Variants in EMSY observed in about 807,000 individuals in gnomAD.
EMSY encodes BRCA2-interacting transcriptional repressor EMSY.
EMSY carries 26 observed loss-of-function variants against 134.6 expected under a neutral mutation model. That is an observed-to-expected ratio of 0.19 (90% confidence interval 0.14 to 0.27). The LOEUF (loss-of-function observed/expected upper bound fraction) is 0.27, where lower values mean the gene tolerates loss of function less well. EMSY is among the 10% of genes least tolerant of loss of function. The pLI is 1.00. For synonymous variants in EMSY, 579 were observed against 577.8 expected, an observed-to-expected ratio of 1.00 and a Z score of -0.03; for missense variants, 1,305 against 1,611.4, an observed-to-expected ratio of 0.81 and a Z score of 3.26.
At position 76,519,215 on chromosome 11, in the gene EMSY, C is replaced by G. The variant is rs181907721; in HGVS notation, c.1684+2903C>G. 3.9e-5 allele frequency among the ~76,000 whole-genome samples: 6 copies of G among 152,026 alleles called. No individual in the cohort carries two copies. The East Asian group carries it at 1.2e-3, about 29-fold the overall frequency. Reference sequence around the variant, plus strand: ...GAGTAGCTGGGATTACAGGCGCCTGCCACCACGCTCGGCTAATTTTTGTAT... The same window carrying G: ...GAGTAGCTGGGATTACAGGCGCCTGGCACCACGCTCGGCTAATTTTTGTAT... On this transcript the variant is annotated intron_variant, in intron 11 of 20. Coordinates refer to ENST00000334736, the Ensembl canonical transcript of EMSY.
downstream of EMSY, chr11:76,552,953 G>T (rs755454134): frequency 3.3e-5 from 5 of 152,172 alleles, no homozygotes; most frequent in Admixed American, 6.5e-5. Context: ...GTTCATCCGT[G>T]TTGTAGAATG....
chr11:76,504,030 C>T (rs1169612234), intron 9 of EMSY, among the ~76,000 whole-genome samples: 1 of 151,774 alleles, frequency 6.6e-6, no homozygotes, highest in East Asian at 1.9e-4. Flanking sequence ...AAGTGATCCA[C>T]CTACCTTGGC....
At chr11:76,474,857 G>A (rs1365006837) in intron 8 of EMSY, among the ~76,000 whole-genome samples, 4 of 152,200 alleles carry the variant, frequency 2.6e-5, no homozygotes, top group Admixed American at 2.0e-4. Context: ...TCCGCCTCCC[G>A]GGTTCAAGCA....
chr11:76,469,956 T>C (rs1317826594), intron 7 of EMSY, among the ~76,000 whole-genome samples: 2 of 152,242 alleles, frequency 1.3e-5, no homozygotes, highest in East Asian at 1.9e-4. Context: ...TGATCTTATG[T>C]ATCTTTCTTG....
intron 13 of EMSY, 139 bp downstream of exon 14, chr11:76,526,774 T>A: frequency 1.2e-6 from 1 of 819,958 alleles, no homozygotes; most frequent in Non-Finnish European, 1.9e-6. Context: ...ATGTGTTAAT[T>A]ATTCAAGTAT....
At chr11:76,502,246 T>G (rs933535862) in intron 9 of EMSY, among the ~76,000 whole-genome samples, 2 of 124,268 alleles carry the variant, frequency 1.6e-5, no homozygotes, top group African/African-American at 3.2e-5. Context: ...TTGACACTTA[T>G]ATTCCATATT....
intron 18 of EMSY, among the ~76,000 whole-genome samples, chr11:76,542,597 G>A (rs543301180): frequency 1.3e-5 from 2 of 152,274 alleles, no homozygotes; most frequent in Admixed American, 1.3e-4. Context: ...GGGTGAGAAT[G>A]TCTAGATGAA....
At chr11:76,505,356 C>T (rs572392353) in intron 9 of EMSY, among the ~76,000 whole-genome samples, 14 of 131,230 alleles carry the variant, frequency 1.1e-4, no homozygotes, top group Admixed American at 2.7e-4. Flanking sequence ...CCATCACGCC[C>T]GGCTAATTTT....
exon 21 of EMSY, chr11:76,549,985 A>C (rs768338715): frequency 5.0e-6 from 8 of 1,612,992 alleles, no homozygotes; most frequent in Non-Finnish European, 5.9e-6. Flanking sequence ...TTGTCACTCC[A>C]GCTCCAATGT....
At chr11:76,448,180 A>G (rs543775716) in intron 2 of EMSY, among the ~76,000 whole-genome samples, 1 of 152,314 alleles carries the variant, frequency 6.6e-6, no homozygotes, top group South Asian at 2.1e-4. Context: ...TTTTCTTTGT[A>G]AATCAGATAG....
chr11:76,538,298 C>T (rs559931627), intron 16 of EMSY, among the ~76,000 whole-genome samples: 2 of 152,254 alleles, frequency 1.3e-5, no homozygotes, highest in Admixed American at 6.5e-5. Context: ...TCACGCCCAT[C>T]GCTCAGGCTG....
intron 8 of EMSY, among the ~76,000 whole-genome samples, chr11:76,493,384 C>T (rs1040509227): frequency 1.3e-5 from 2 of 152,242 alleles, no homozygotes; most frequent in South Asian, 2.1e-4. Context: ...CAGACAGGCT[C>T]GTGAGTGCAA....
At chr11:76,506,581 C>T (rs1214812339) in intron 9 of EMSY, among the ~76,000 whole-genome samples, 1 of 152,078 alleles carries the variant, frequency 6.6e-6, no homozygotes, top group Non-Finnish European at 1.5e-5. Flanking sequence ...AAGTGAATTA[C>T]AAAGGGCACT....
exon 21 of EMSY, chr11:76,550,689 G>A (rs1951812376): frequency 6.6e-6 from 1 of 152,338 alleles, no homozygotes; most frequent in South Asian, 2.1e-4. Context: ...TTGTTGGATG[G>A]TAGAAATCAG....
At chr11:76,526,346 C>G (rs770991298) in intron 12 of EMSY, 116 bp from the exon 14 acceptor site, 61 of 639,660 alleles carry the variant, frequency 9.5e-5, no homozygotes, top group Non-Finnish European at 1.4e-4. Context: ...TACTTTGTTA[C>G]ATAATCTACA....
At chr11:76,550,806 CTATT>C (rs1273631566) in exon 21 of EMSY, 1 of 152,302 alleles carries the variant, frequency 6.6e-6, no homozygotes, top group East Asian at 1.9e-4. Context: ...CACTTGCCTT[CTATT>C]TATTTAAGTG....
intron 14 of EMSY, among the ~76,000 whole-genome samples, chr11:76,529,983 G>A (rs909901561): frequency 6.6e-6 from 1 of 152,032 alleles, no homozygotes; most frequent in Non-Finnish European, 1.5e-5. Context: ...TATTTTCAAA[G>A]AGGGCAGATA....
At position 76,461,552 on chromosome 11, in the gene EMSY, A is replaced by G. The variant is rs1307139967; in HGVS notation, c.571+1467A>G. ...AAAAACGCAGAATCTAGGACTATTA[A>G]TTAAATTTATATCTGATTTCTGCAG... On this transcript the variant is annotated intron_variant, in intron 6 of 20. Transcript: ENST00000334736. Among the ~76,000 whole-genome samples, 4 of 152,364 alleles carry G rather than the reference A, an allele frequency of 2.6e-5. No homozygotes were observed. In the East Asian group the frequency reaches 7.7e-4, roughly 29 times the overall value.
chr11:76,518,867 T>TGA (rs1259182004), intron 11 of EMSY, among the ~76,000 whole-genome samples: 1 of 149,584 alleles, frequency 6.7e-6, no homozygotes, highest in African/African-American at 2.4e-5. Flanking sequence ...CTTGTGTGTG[T>TGA]GTGTGTGTGT....
Sources: allele counts gnomAD v4.1 joint callset (sites outside exome capture counted in the v4.1 genomes callset), GRCh38; gene constraint gnomAD v4.1.1; transcripts MANE v1.5; gene names NCBI Gene and HGNC (gene_info 2026-07-23, HGNC 2026-07-21).